Variants in UBAP2 observed in about 807,000 individuals in gnomAD.
The protein encoded by UBAP2 is ubiquitin associated protein 2.
Under a neutral mutation model 139.6 loss-of-function variants are expected in UBAP2, and 75 were observed. The observed-to-expected ratio is 0.54, with a 90% CI of 0.45 to 0.65. The LOEUF (loss-of-function observed/expected upper bound fraction) is 0.65, where lower values mean the gene tolerates loss of function less well. UBAP2 is among the 30% of genes least tolerant of loss of function. UBAP2 has a pLI of 0.00. For synonymous variants in UBAP2, 526 were observed against 526.2 expected, an observed-to-expected ratio of 1.00 and a Z score of 0.01; for missense variants, 1,368 against 1,369.6, an observed-to-expected ratio of 1.00 and a Z score of 0.02.
At chr9:34,048,143 A>G (rs73482995) in intron 1 of UBAP2, among the ~76,000 whole-genome samples, 5 of 152,212 alleles carry the variant, frequency 3.3e-5, no homozygotes, top group Non-Finnish European at 5.9e-5. Context: ...CTGAGTTGTA[A>G]TGCACCAATG....
Position 33,922,399 on chromosome 9 carries a change from CAT to C in UBAP2, c.*103_*104del, listed in dbSNP as rs745607905. Reference sequence around the variant, plus strand: ...ACTCCCCACAGAGGCATGGCTGACACATGTCGGGAATTCTAGGAAAGGGCACT... The same window carrying C: ...ACTCCCCACAGAGGCATGGCTGACACGTCGGGAATTCTAGGAAAGGGCACT... On this transcript the variant is annotated 3_prime_UTR_variant, in exon 29 of 29. Transcript: ENST00000379238. 143 of 1,110,370 alleles carry C rather than the reference CAT, an allele frequency of 1.3e-4. 1 individual carries two copies. Among genetic ancestry groups the C allele is most frequent in the Middle Eastern group, 7.7e-4 (4 of 5,184 alleles). The allele number at this position is 1,110,370 out of a possible 1,614,324, so 68.8% of individuals were successfully genotyped here.
intron 1 of UBAP2, among the ~76,000 whole-genome samples, chr9:34,039,311 TGAG>T (rs1826817660): frequency 6.6e-6 from 1 of 151,902 alleles, no homozygotes; most frequent in Non-Finnish European, 1.5e-5. Flanking sequence ...TTCTGGGAAG[TGAG>T]GAGCCCCTCT....
chr9:33,923,763 G>T (rs777414106), intron 24 of UBAP2, 32 bp downstream of exon 24: 2 of 1,607,600 alleles, frequency 1.2e-6, no homozygotes, highest in South Asian at 1.1e-5. Context: ...CCCAAGGCCA[G>T]GAGACACAGT....
chr9:33,961,053 A>G (rs1048214493), intron 9 of UBAP2, among the ~76,000 whole-genome samples, 175 bp from the exon 10 acceptor site: 2 of 152,204 alleles, frequency 1.3e-5, no homozygotes, highest in Non-Finnish European at 2.9e-5. Flanking sequence ...AAAATCAGTA[A>G]TATTTCTTTT....
intron 1 of UBAP2, among the ~76,000 whole-genome samples, chr9:34,021,721 T>C (rs1824960491): frequency 6.6e-6 from 1 of 150,706 alleles, no homozygotes; most frequent in African/African-American, 2.4e-5. Context: ...GCAACCTCCG[T>C]CTCCCGGGTT....
intron 2 of UBAP2, among the ~76,000 whole-genome samples, chr9:34,016,168 GAGGAGGAGGAGGAAGAGGAGGAATAGA>G (rs1405321995): frequency 6.6e-6 from 1 of 150,786 alleles, no homozygotes; most frequent in Non-Finnish European, 1.5e-5. Flanking sequence ...GGGAGAGGAG[GAGGAGGAGGAGGAAGAGGAGGAATAGA>G]AGGAAGAGGA....
chr9:34,023,000 G>A (rs1462577204), intron 1 of UBAP2, among the ~76,000 whole-genome samples: 13 of 152,014 alleles, frequency 8.6e-5, no homozygotes, highest in African/African-American at 3.1e-4. Flanking sequence ...GCCGAGGCAG[G>A]CGGATCACGA....
intron 1 of UBAP2, among the ~76,000 whole-genome samples, chr9:34,025,883 C>A (rs544625680): frequency 1.3e-5 from 2 of 152,296 alleles, no homozygotes; most frequent in African/African-American, 4.8e-5. Flanking sequence ...CCCGGTTTAA[C>A]TGCTGTTTTT....
Position 33,944,585 on chromosome 9 carries a change from TG to T in UBAP2, c.1324del (p.Gln442AsnfsTer36), listed in dbSNP as rs780869129. On this transcript the variant is annotated frameshift_variant, in exon 14 of 29. Coordinates refer to ENST00000379238, the MANE Select transcript of UBAP2 (RefSeq NM_001370062.2). LOFTEE classifies it high-confidence loss of function. ...AGTGACTGCCTGGCTCTGGTGCTGT[TG>T]TCGCTGGCTCAACTGGCTAAGAACT... Reference protein sequence around the residue: ...SPVLSQLSQRQQHQSQAVTVP... With the variant: ...SPVLSQLSQRXQHQSQAVTVP... 2.2e-5 allele frequency: 35 copies of T among 1,614,032 alleles called. No homozygotes were observed.
chr9:33,958,332 G>A (rs938677040), intron 10 of UBAP2, among the ~76,000 whole-genome samples: 2 of 151,552 alleles, frequency 1.3e-5, no homozygotes, highest in South Asian at 2.1e-4. Context: ...ATCGATTTAC[G>A]AAAAAGAGAA....
intron 1 of UBAP2, among the ~76,000 whole-genome samples, chr9:34,027,414 A>G (rs1825494946): frequency 6.6e-6 from 1 of 151,876 alleles, no homozygotes; most frequent in Admixed American, 6.6e-5. Context: ...TTTATTTATT[A>G]AAAAATAAAC....
chr9:33,954,953 A>G (rs545743510), intron 11 of UBAP2, among the ~76,000 whole-genome samples: 1 of 152,282 alleles, frequency 6.6e-6, no homozygotes, highest in South Asian at 2.1e-4. Flanking sequence ...AACCACTTTC[A>G]AAGGTGTTTA....
In UBAP2 at chr9:33,922,484, C is replaced by G; in HGVS notation, c.*20G>C. On this transcript the variant is annotated 3_prime_UTR_variant, in exon 29 of 29. Coordinates refer to ENST00000379238, the MANE Select transcript of UBAP2 (RefSeq NM_001370062.2). ...CTGCCCAGGATAAGCCTTGCCCCAG[C>G]CCACCCCTCTCTTCTGGGTTTAGTT... 6.2e-7 allele frequency: 1 copy of G among 1,610,612 alleles called. No homozygotes were observed. Among genetic ancestry groups the G allele is most frequent in the Non-Finnish European group, 8.5e-7 (1 of 1,178,070 alleles).
chr9:34,018,051 G>A (rs542885945), intron 1 of UBAP2, among the ~76,000 whole-genome samples: 30 of 152,014 alleles, frequency 2.0e-4, no homozygotes, highest in African/African-American at 6.0e-4. Context: ...AGCTGGGCAC[G>A]GTGGCATGCA....
At chr9:34,044,068 G>A (rs560092552) in intron 1 of UBAP2, among the ~76,000 whole-genome samples, 2 of 145,696 alleles carry the variant, frequency 1.4e-5, no homozygotes, top group African/African-American at 2.6e-5. Flanking sequence ...TCTGGCCTGG[G>A]TGACAGAATG....
chr9:33,970,866 G>A (rs1054952571), intron 8 of UBAP2, among the ~76,000 whole-genome samples: 1 of 152,186 alleles, frequency 6.6e-6, no homozygotes, highest in Admixed American at 6.5e-5. Flanking sequence ...GCAATGGCAC[G>A]ATCTCGGCTC....
At chr9:33,939,784 GGAAGGGGAGGAGGAAGGGGAGGA>G (rs1824939096) in intron 16 of UBAP2, among the ~76,000 whole-genome samples, 1 of 26,354 alleles carries the variant, frequency 3.8e-5, no homozygotes, top group Non-Finnish European at 7.7e-5. Flanking sequence ...AAGGGGAGGA[GGAAGGGGAGGAGGAAGGGGAGGA>G]GGAAGGGGAG....
At chr9:34,032,126 T>C (rs1825942428) in intron 1 of UBAP2, among the ~76,000 whole-genome samples, 1 of 152,124 alleles carries the variant, frequency 6.6e-6, no homozygotes, top group Non-Finnish European at 1.5e-5. Context: ...CATGACCCTA[T>C]AGCACCAAAA....
intron 1 of UBAP2, among the ~76,000 whole-genome samples, chr9:34,047,309 C>T (rs571420414): frequency 6.6e-6 from 1 of 152,094 alleles, no homozygotes; most frequent in Non-Finnish European, 1.5e-5. Flanking sequence ...TCACTTCTGC[C>T]TAATGATAAG....
Sources: gnomAD v4.1 joint callset for allele counts (sites outside exome capture counted in the v4.1 genomes callset) on GRCh38, gnomAD v4.1.1 for gene constraint, MANE v1.5 for transcripts, NCBI Gene and HGNC (gene_info 2026-07-23, HGNC 2026-07-21) for gene names.